BMP2K: variants seen among roughly 807,000 people sequenced by gnomAD.
BMP2K encodes BMP-2-inducible protein kinase.
A neutral mutation model predicts 116.0 loss-of-function variants in BMP2K; 74 were observed. The ratio of observed to expected loss-of-function variants is 0.64; its 90% CI spans 0.53 to 0.77. The LOEUF (loss-of-function observed/expected upper bound fraction) is 0.77. Ranked by LOEUF, BMP2K falls within the 30% of genes least tolerant of loss-of-function variation. BMP2K has a pLI of 0.00. For missense variants in BMP2K, 1,365 were observed against 1,403.6 expected, an observed-to-expected ratio of 0.97 and a Z score of 0.44; for synonymous variants, 486 against 502.5, an observed-to-expected ratio of 0.97 and a Z score of 0.44.
At chr4:78,785,637 A>G (rs1727691602) in intron 1 of BMP2K, among the ~76,000 whole-genome samples, 1 of 152,212 alleles carries the variant, frequency 6.6e-6, no homozygotes, top group Non-Finnish European at 1.5e-5. Flanking sequence ...GTAACAAAAC[A>G]AAACCTTTTT....
intron 15 of BMP2K, among the ~76,000 whole-genome samples, chr4:78,904,207 GA>G (rs1195315339): frequency 6.6e-6 from 1 of 151,888 alleles, no homozygotes; most frequent in African/African-American, 2.4e-5. Context: ...CAAAGTTTCT[GA>G]AAATGTGGTT....
At chr4:78,894,408 C>T (rs1733594932) in intron 15 of BMP2K, among the ~76,000 whole-genome samples, 1 of 152,198 alleles carries the variant, frequency 6.6e-6, no homozygotes. Flanking sequence ...ACTTGTTACA[C>T]TTCCTGCGTT....
At chr4:78,854,346 T>C (rs1731400012) in intron 7 of BMP2K, among the ~76,000 whole-genome samples, 1 of 151,984 alleles carries the variant, frequency 6.6e-6, no homozygotes, top group South Asian at 2.1e-4. Flanking sequence ...TGATCTTGGC[T>C]CACTACAACC....
chr4:78,833,978 T>C (rs1359321448), intron 3 of BMP2K, among the ~76,000 whole-genome samples: 1 of 152,228 alleles, frequency 6.6e-6, no homozygotes, highest in African/African-American at 2.4e-5. Context: ...AGAATTCTTC[T>C]GTAATCCAAC....
At chr4:78,814,721 A>T (rs1272363518) in intron 1 of BMP2K, among the ~76,000 whole-genome samples, 1 of 152,158 alleles carries the variant, frequency 6.6e-6, no homozygotes, top group Non-Finnish European at 1.5e-5. Flanking sequence ...AGCCTTGGGT[A>T]TGTCTTTATT....
intron 3 of BMP2K, among the ~76,000 whole-genome samples, chr4:78,836,519 C>T (rs1264809685): frequency 6.6e-6 from 1 of 152,090 alleles, no homozygotes. Context: ...CTTGGGGAGA[C>T]TTCGATCATC....
At position 78,776,718 on chromosome 4, in the gene BMP2K, G is replaced by T. The variant is rs1349924648; in HGVS notation, c.175G>T (p.Glu59Ter). 1 of 1,267,474 alleles carries T rather than the reference G, an allele frequency of 7.9e-7. No homozygotes were observed. 78.5% of individuals were successfully genotyped at this position (1,267,474 alleles called of 1,614,324 possible). A position where few individuals can be genotyped will look rare whatever the true frequency, so the allele number is the denominator to read the frequency against. The change falls in exon 1 of 16, where the codon GAA (glutamate) becomes TAA (stop). Residue 59 changes from glutamate to a stop codon, truncating the protein, a stop_gained. Coordinates refer to ENST00000502613, the MANE Select transcript of BMP2K (RefSeq NM_198892.2). LOFTEE classifies it high-confidence loss of function. ...GGTCACCCTGGAAGAGTCGCTGGCC[G>T]AAGGTACGGGCGCCCGGGGAGGCTC... ...HQVTLEESLA[E>*]GGFSTVFLVR...
intron 1 of BMP2K, among the ~76,000 whole-genome samples, chr4:78,817,996 G>C (rs959661488): frequency 1.3e-4 from 19 of 151,982 alleles, no homozygotes; most frequent in African/African-American, 4.4e-4. Context: ...CAATTTTAAG[G>C]CTTTTCCTCC....
At position 78,912,369 on chromosome 4, in the gene BMP2K, AT is replaced by A. The variant is rs556976260; in HGVS notation, c.*341del. 1.9e-5 allele frequency: 4 copies of A among 211,572 alleles called. No homozygotes were observed. The South Asian group carries it at 6.4e-4, about 34-fold the overall frequency. The allele number at this position is 211,572 out of a possible 1,614,324, so 13.1% of individuals were successfully genotyped here. ...ACTGAGAAGGGACAGTGAAACTGTTATTTTTGATATCAGAATGTCATTTTTA... is the reference window on the plus strand; with the variant it reads ...ACTGAGAAGGGACAGTGAAACTGTTATTTTGATATCAGAATGTCATTTTTA... On this transcript the variant is annotated 3_prime_UTR_variant, in exon 16 of 16. Transcript: ENST00000502613.
Position 78,776,716 on chromosome 4 carries a change from C to A in BMP2K, c.173C>A (p.Ala58Asp), listed in dbSNP as rs149914551. Residue 58 changes from alanine to aspartate, a missense_variant, in exon 1 of 16, where the codon GCC becomes GAC. Ala to Asp is a moderately radical substitution (Grantham distance 126, BLOSUM62 -2). This residue lies in a region of BMP2K where 762 missense variants were observed against 756.7 expected (regional missense o/e 1.01). Transcript: ENST00000502613. Reference sequence around the variant, plus strand: ...CAGGTCACCCTGGAAGAGTCGCTGGCCGAAGGTACGGGCGCCCGGGGAGGC... The same window carrying A: ...CAGGTCACCCTGGAAGAGTCGCTGGACGAAGGTACGGGCGCCCGGGGAGGC... ...RHQVTLEESL[A>D]EGGFSTVFLV... The A allele has an allele frequency of 0.032, 39,964 of 1,267,176 alleles. 680 individuals carry two copies. The highest frequency in any genetic ancestry group is 0.035 in the Non-Finnish European group (35,028 of 1,002,432). 78.5% of individuals were successfully genotyped at this position (1,267,176 alleles called of 1,614,324 possible).
At chr4:78,820,922 G>A (rs1010275307) in intron 1 of BMP2K, 6 of 152,554 alleles carry the variant, frequency 3.9e-5, no homozygotes, top group African/African-American at 1.4e-4. Context: ...AAAAATTGTG[G>A]AATATTTCCC....
chr4:78,807,171 A>G (rs183069421), intron 1 of BMP2K, among the ~76,000 whole-genome samples: 19 of 151,808 alleles, frequency 1.3e-4, no homozygotes, highest in Admixed American at 5.2e-4. Flanking sequence ...ATTATTTTCA[A>G]ATTTTTTCCC....
At chr4:78,844,877 G>A (rs779881547) in intron 4 of BMP2K, 51 bp from the exon 5 acceptor site, 2 of 1,493,056 alleles carry the variant, frequency 1.3e-6, no homozygotes, top group African/African-American at 2.8e-5. Context: ...ATTGTAAAAA[G>A]TTAATTTTCA....
intron 1 of BMP2K, among the ~76,000 whole-genome samples, chr4:78,791,171 A>G (rs768054478): frequency 6.6e-6 from 1 of 151,686 alleles, no homozygotes; most frequent in Non-Finnish European, 1.5e-5. Flanking sequence ...GATCTTTCCT[A>G]CTCTTTCCTT....
chr4:78,806,719 A>C (rs1429259686), intron 1 of BMP2K, among the ~76,000 whole-genome samples: 1 of 152,156 alleles, frequency 6.6e-6, no homozygotes, highest in Non-Finnish European at 1.5e-5. Flanking sequence ...GTCTTTCACC[A>C]TTAAGTATAA....
intron 15 of BMP2K, among the ~76,000 whole-genome samples, chr4:78,907,250 A>G (rs1734331906): frequency 2.0e-5 from 3 of 152,208 alleles, no homozygotes; most frequent in African/African-American, 7.2e-5. Flanking sequence ...ATAAATGTGT[A>G]TTTCTATTAA....
chr4:78,829,822 C>T (rs1410005527), intron 2 of BMP2K, among the ~76,000 whole-genome samples: 13 of 144,238 alleles, frequency 9.0e-5, no homozygotes, highest in African/African-American at 3.3e-4. Context: ...CTTCTCTTCT[C>T]TTCTCTTCTC....
At chr4:78,895,952 A>G (rs1396173334) in intron 15 of BMP2K, among the ~76,000 whole-genome samples, 7 of 151,990 alleles carry the variant, frequency 4.6e-5, no homozygotes, top group Non-Finnish European at 1.5e-5. Context: ...AGTAGAGACA[A>G]GGTCTCGCTG....
chr4:78,859,569 G>A lies in BMP2K; in HGVS notation c.884-15G>A, dbSNP rs1262084402. 3 of 1,552,950 alleles carry A rather than the reference G, an allele frequency of 1.9e-6. No individual in the cohort carries two copies. In the African/African-American group the frequency reaches 4.1e-5, roughly 21 times the overall value. Reference sequence around the variant, plus strand: ...GTTTCATAAAACTTCTTAACATTTTGATCTATTCTTGCAGGGTTCATGCTT... The same window carrying A: ...GTTTCATAAAACTTCTTAACATTTTAATCTATTCTTGCAGGGTTCATGCTT... On this transcript the variant is annotated splice_polypyrimidine_tract_variant and intron_variant, in intron 7 of 15. Transcript: ENST00000502613.
Sources: gnomAD v4.1 joint callset for allele counts (sites outside exome capture counted in the v4.1 genomes callset) on GRCh38, gnomAD v4.1.1 for gene constraint, gnomAD v4.1.1 regional missense constraint, MANE v1.5 for transcripts, NCBI Gene and HGNC (gene_info 2026-07-23, HGNC 2026-07-21) for gene names.